Variants in FAM184B observed in about 807,000 individuals in gnomAD.
FAM184B encodes protein FAM184B.
Under a neutral mutation model 135.9 loss-of-function variants are expected in FAM184B, and 111 were observed. The observed-to-expected ratio is 0.82, with a 90% CI of 0.70 to 0.96. The LOEUF (loss-of-function observed/expected upper bound fraction) is 0.96. Ranked by LOEUF, FAM184B falls within the 40% of genes least tolerant of loss-of-function variation. The pLI is 0.00. For synonymous variants in FAM184B, 552 were observed against 524.8 expected, an observed-to-expected ratio of 1.05 and a Z score of -0.71; for missense variants, 1,375 against 1,323.9, an observed-to-expected ratio of 1.04 and a Z score of -0.60.
chr4:17,677,679 A>G (rs1013542231), intron 7 of FAM184B, among the ~76,000 whole-genome samples: 8 of 152,136 alleles, frequency 5.3e-5, no homozygotes, highest in Non-Finnish European at 1.0e-4. Context: ...TATGAAGCCA[A>G]TATCACCCTA....
Position 17,639,163 on chromosome 4 carries a change from G to T in FAM184B, c.2666+87C>A, listed in dbSNP as rs1715233967. The T allele has an allele frequency of 3.0e-6, 4 of 1,350,052 alleles. No homozygotes were observed. The Admixed American group carries it at 8.8e-5, about 30-fold the overall frequency. 83.6% of individuals were successfully genotyped at this position (1,350,052 alleles called of 1,614,324 possible). On this transcript the variant is annotated intron_variant, in intron 14 of 17. Transcript: ENST00000265018. The stretch of plus-strand genomic sequence containing the variant: ...CCAGGACTTTCAATTTGAAAACCAG[G>T]AAATCCCAGGGTCATTGGGGTGAGT...
At chr4:17,779,098 C>T (rs1275339633) in intron 1 of FAM184B, among the ~76,000 whole-genome samples, 1 of 152,090 alleles carries the variant, frequency 6.6e-6, no homozygotes, top group African/African-American at 2.4e-5. Flanking sequence ...ATATGTATCA[C>T]TTTACTAATC....
At chr4:17,723,591 C>A (rs1186669822) in intron 1 of FAM184B, among the ~76,000 whole-genome samples, 1 of 152,212 alleles carries the variant, frequency 6.6e-6, no homozygotes, top group Non-Finnish European at 1.5e-5. Context: ...GCCAGCCCAT[C>A]TCTTGTCTCT....
At chr4:17,778,688 A>C (rs1718977308) in intron 1 of FAM184B, among the ~76,000 whole-genome samples, 1 of 152,104 alleles carries the variant, frequency 6.6e-6, no homozygotes, top group Admixed American at 6.6e-5. Flanking sequence ...CTATTTCTAC[A>C]AAAAATTTTT....
At chr4:17,670,657 T>C (rs1460289449) in intron 7 of FAM184B, among the ~76,000 whole-genome samples, 2 of 152,244 alleles carry the variant, frequency 1.3e-5, no homozygotes, top group Non-Finnish European at 2.9e-5. Flanking sequence ...TGTCTATTTC[T>C]ATACATTATC....
Position 17,636,517 on chromosome 4 carries a change from G to T in FAM184B, c.2784+11C>A. 6.5e-7 allele frequency: 1 copy of T among 1,548,086 alleles called. No individual in the cohort carries two copies. On this transcript the variant is annotated intron_variant, in intron 15 of 17. Coordinates refer to ENST00000265018, the MANE Select transcript of FAM184B (RefSeq NM_015688.2). Reference sequence around the variant, plus strand: ...CAGGTGCGTGGGTGAGGCGCCCCCTGACAGCCTCACCGTGAGCTGCTTGAT... The same window carrying T: ...CAGGTGCGTGGGTGAGGCGCCCCCTTACAGCCTCACCGTGAGCTGCTTGAT...
intron 1 of FAM184B, among the ~76,000 whole-genome samples, chr4:17,733,056 C>A: frequency 6.6e-6 from 1 of 152,064 alleles, no homozygotes; most frequent in Non-Finnish European, 1.5e-5. Context: ...AAATGTAATC[C>A]AGCATATAAA....
chr4:17,765,321 G>A (rs1016709943), intron 1 of FAM184B, among the ~76,000 whole-genome samples: 2 of 152,004 alleles, frequency 1.3e-5, no homozygotes, highest in South Asian at 2.1e-4. Flanking sequence ...CTGTAACAAA[G>A]GTGAATTCCG....
intron 1 of FAM184B, among the ~76,000 whole-genome samples, chr4:17,718,173 A>G (rs1241184960): frequency 3.3e-5 from 5 of 152,194 alleles, no homozygotes; most frequent in African/African-American, 9.6e-5. Flanking sequence ...AACCCTTCAC[A>G]GCACTCTTAA....
chr4:17,636,883 G>T (rs1351756151), intron 14 of FAM184B, among the ~76,000 whole-genome samples: 1 of 152,184 alleles, frequency 6.6e-6, no homozygotes, highest in African/African-American at 2.4e-5. Flanking sequence ...TGTGCACATA[G>T]ATGCTGCACT....
chr4:17,673,331 A>G (rs1192497001), intron 7 of FAM184B, among the ~76,000 whole-genome samples: 1 of 152,206 alleles, frequency 6.6e-6, no homozygotes, highest in Non-Finnish European at 1.5e-5. Context: ...GTAAACTAGT[A>G]CAACCATTAT....
intron 1 of FAM184B, among the ~76,000 whole-genome samples, chr4:17,742,168 ATTTT>A (rs869228150): frequency 1.8e-5 from 2 of 109,310 alleles, no homozygotes; most frequent in Admixed American, 1.8e-4. Flanking sequence ...ATATATATAT[ATTTT>A]TTTTTTTTAA....
intron 17 of FAM184B, chr4:17,633,379 A>G: frequency 9.0e-6 from 2 of 222,356 alleles, no homozygotes; most frequent in Non-Finnish European, 8.7e-6. Context: ...CTGATGAGAT[A>G]GGTGCTGTAT....
At chr4:17,733,701 C>A (rs1717839431) in intron 1 of FAM184B, among the ~76,000 whole-genome samples, 1 of 152,144 alleles carries the variant, frequency 6.6e-6, no homozygotes, top group Non-Finnish European at 1.5e-5. Flanking sequence ...AATGGAAGAA[C>A]ATTCCATGCT....
chr4:17,698,436 C>A (rs6449327), intron 5 of FAM184B, among the ~76,000 whole-genome samples: 148,268 of 152,298 alleles, frequency 0.97, 72,290 homozygotes, highest in East Asian at 1. Flanking sequence ...GAGCAATCAC[C>A]GAAAATTACC....
intron 7 of FAM184B, among the ~76,000 whole-genome samples, chr4:17,685,409 C>T (rs1393320091): frequency 1.3e-5 from 2 of 151,236 alleles, no homozygotes; most frequent in Non-Finnish European, 2.9e-5. Context: ...ATTAGTCGGG[C>T]GTGGTGGTGT....
intron 7 of FAM184B, among the ~76,000 whole-genome samples, chr4:17,666,305 CT>C (rs71167320): frequency 0.044 from 5,834 of 131,174 alleles, 222 homozygotes; most frequent in African/African-American, 0.11. Flanking sequence ...CCCTGGAATT[CT>C]TTTTTTTTTT....
intron 15 of FAM184B, among the ~76,000 whole-genome samples, chr4:17,635,798 G>A (rs1715107991): frequency 6.6e-6 from 1 of 152,206 alleles, no homozygotes; most frequent in Non-Finnish European, 1.5e-5. Context: ...AGCAGGAGCA[G>A]AAATGACCAG....
Position 17,707,756 on chromosome 4 carries a change from C to T in FAM184B, c.923G>A (p.Arg308Gln), listed in dbSNP as rs746797150. 3.1e-5 allele frequency: 48 copies of T among 1,551,838 alleles called. No individual in the cohort carries two copies. The highest frequency in any genetic ancestry group is 9.5e-5 in the South Asian group (8 of 84,068). Residue 308 changes from arginine (R) to glutamine (Q), a missense_variant, in exon 3 of 18, where the codon CGA becomes CAA. Arg to Gln is a conservative substitution (Grantham distance 43). Coordinates refer to ENST00000265018, the MANE Select transcript of FAM184B (RefSeq NM_015688.2). ...GCCTTTCAACTCTGAATTCTCCTGT[C>T]GAGCCTCCTTAAGCTGCACATCCAG... ...QDLDVQLKEA[R>Q]QENSELKGTA...
Sources: allele counts gnomAD v4.1 joint callset (sites outside exome capture counted in the v4.1 genomes callset), GRCh38; gene constraint gnomAD v4.1.1; transcripts MANE v1.5; gene names NCBI Gene and HGNC (gene_info 2026-07-23, HGNC 2026-07-21).